The following RIPOR3 variants were observed in gnomAD, a reference collection of about 807,000 sequenced individuals.
RIPOR3 encodes RIPOR family member 3, also known as family with sequence similarity 65 member C.
RIPOR3 carries 95 observed loss-of-function variants against 114.3 expected under a neutral mutation model. The ratio of observed to expected loss-of-function variants is 0.83; its 90% confidence interval spans 0.70 to 0.99. The LOEUF (loss-of-function observed/expected upper bound fraction) is 0.99. Among genes scored for constraint, RIPOR3 ranks in the 50% least tolerant of loss-of-function variants. The pLI is 0.00. For missense variants in RIPOR3, 1,252 were observed against 1,266.9 expected, an observed-to-expected ratio of 0.99 and a Z score of 0.18; for synonymous variants, 575 against 543.8, an observed-to-expected ratio of 1.06 and a Z score of -0.80.
chr20:50,609,204 C>T (rs2083853595), intron 8 of RIPOR3, 89 bp downstream of exon 8: 6 of 1,506,576 alleles, frequency 4.0e-6, no homozygotes, highest in Non-Finnish European at 5.4e-6. Context: ...GGCTCAGACC[C>T]CTGGGATTCT....
intron 1 of RIPOR3, among the ~76,000 whole-genome samples, chr20:50,663,190 C>T (rs757694489): frequency 7.9e-5 from 12 of 151,796 alleles, no homozygotes; most frequent in Admixed American, 6.6e-4. Context: ...TATTCACTGA[C>T]GTGATTCTGC....
At chr20:50,595,073 C>T (rs2083241728) in intron 16 of RIPOR3, 5 of 492,384 alleles carry the variant, frequency 1.0e-5, no homozygotes, top group Admixed American at 9.8e-5. Context: ...CTGGGGTTAC[C>T]TCACTGAACC....
At chr20:50,608,362 G>T (rs745614825) in intron 11 of RIPOR3, 27 bp downstream of exon 11, 1 of 1,612,914 alleles carries the variant, frequency 6.2e-7, no homozygotes. Context: ...CCAGGCCTCC[G>T]CTCTCCCCAG....
chr20:50,638,474 G>A (rs1485539091), intron 1 of RIPOR3, among the ~76,000 whole-genome samples: 2 of 152,204 alleles, frequency 1.3e-5, no homozygotes, highest in African/African-American at 4.8e-5. Context: ...GAATTATCCA[G>A]AGGGCATTTT....
In RIPOR3 at chr20:50,609,124, C is replaced by T. The variant is rs575029576; in HGVS notation, c.640+169G>A. On this transcript the variant is annotated intron_variant, in intron 8 of 21. Coordinates refer to ENST00000327979, the MANE Select transcript of RIPOR3 (RefSeq NM_001290268.2). ...AAATGGACAGAGGGTGCTGGGCCCTCACACCAGGCTCAGAGAGGGGTGGGA... is the reference window on the plus strand; with the variant it reads ...AAATGGACAGAGGGTGCTGGGCCCTTACACCAGGCTCAGAGAGGGGTGGGA... Among the ~76,000 whole-genome samples, 5 of 152,284 alleles carry T rather than the reference C, an allele frequency of 3.3e-5. No homozygotes were observed. In the South Asian group the frequency reaches 1.0e-3, roughly 32 times the overall value.
intron 1 of RIPOR3, among the ~76,000 whole-genome samples, chr20:50,670,449 G>A (rs1382582235): frequency 3.0e-5 from 4 of 133,632 alleles, no homozygotes; most frequent in South Asian, 2.3e-4. Flanking sequence ...TTACCTAAAG[G>A]CCTAAAGTAC....
intron 1 of RIPOR3, among the ~76,000 whole-genome samples, chr20:50,644,842 TTA>T (rs1338193982): frequency 2.8e-5 from 3 of 106,522 alleles, no homozygotes; most frequent in African/African-American, 2.0e-4. Flanking sequence ...TTTTTATTTT[TTA>T]TTTTTTTTTT....
In RIPOR3 at chr20:50,596,158, G is replaced by C. The variant is rs769107803; in HGVS notation, c.1896C>G (p.Val632=). The change falls in exon 15 of 22, where the codon GTC becomes GTG. Residue 632 remains valine, a synonymous_variant. Transcript: ENST00000327979. ...LDVLLMVHLQ[V]CKALLQKLAS... ...CAGCCACCTGCAGCAGAGCTTTGCA[G>C]ACTTGGAGGTGTACCATCAGCAGCA... 1.2e-6 allele frequency: 2 copies of C among 1,614,210 alleles called. No homozygotes were observed. Among genetic ancestry groups the C allele is most frequent in the South Asian group, 1.1e-5 (1 of 91,088 alleles).
At chr20:50,595,797 T>C (rs1389986803) in intron 15 of RIPOR3, among the ~76,000 whole-genome samples, 1 of 152,224 alleles carries the variant, frequency 6.6e-6, no homozygotes, top group African/African-American at 2.4e-5. Context: ...TTTGAACCCG[T>C]GCATCCAGCC....
At chr20:50,619,183 T>C (rs1195409863) in intron 3 of RIPOR3, among the ~76,000 whole-genome samples, 1 of 151,874 alleles carries the variant, frequency 6.6e-6, no homozygotes, top group Non-Finnish European at 1.5e-5. Flanking sequence ...GTGCAGTGGC[T>C]CACGCTTGAA....
Position 50,681,651 on chromosome 20 carries a change from A to C in RIPOR3, c.3+9475T>G, listed in dbSNP as rs79494458. Among the ~76,000 whole-genome samples the C allele has an allele frequency of 7.0e-3, 1,061 of 152,322 alleles. 21 individuals are homozygous for C. The highest frequency in any genetic ancestry group is 0.057 in the East Asian group (297 of 5,190). On this transcript the variant is annotated intron_variant, in intron 1 of 21. Transcript: ENST00000327979. The stretch of plus-strand genomic sequence containing the variant: ...AAATAATTAACAGCAATATCTGTAA[A>C]GTGCATGCAACAGTGCCTGTCACGG...
At position 50,635,498 on chromosome 20, in the gene RIPOR3, A is replaced by C. The variant is rs1236480871; in HGVS notation, c.4-4642T>G. ...GTGAGACCCGGTCCCCACAAAAAAT[A>C]CAAAAATTACCCAGATGTGGTGGCG... On this transcript the variant is annotated intron_variant, in intron 1 of 21. Transcript: ENST00000327979. Among the ~76,000 whole-genome samples the C allele has an allele frequency of 2.0e-5, 3 of 152,146 alleles. No individual in the cohort carries two copies. The East Asian group carries it at 5.8e-4, about 29-fold the overall frequency.
At chr20:50,635,380 G>A (rs1466726383) in intron 1 of RIPOR3, among the ~76,000 whole-genome samples, 2 of 152,140 alleles carry the variant, frequency 1.3e-5, no homozygotes, top group East Asian at 3.9e-4. Context: ...CATGCCAGGC[G>A]TGGCGACTCA....
rs1010534320 is a variant in RIPOR3, at chr20:50,605,083, G to A, written c.957-309C>T. 2.6e-5 allele frequency among the ~76,000 whole-genome samples: 4 copies of A among 152,090 alleles called. No individual in the cohort carries two copies. In the South Asian group the frequency reaches 8.3e-4, roughly 32 times the overall value. On this transcript the variant is annotated intron_variant, in intron 11 of 21. Coordinates refer to ENST00000327979, the MANE Select transcript of RIPOR3 (RefSeq NM_001290268.2). ...GACCACAGGCATGTACCACCATGCT[G>A]GACTAATTTTTAAATTTATTTTTAT...
intron 2 of RIPOR3, among the ~76,000 whole-genome samples, chr20:50,625,832 C>G (rs532287724): frequency 8.5e-5 from 13 of 152,348 alleles, no homozygotes; most frequent in African/African-American, 3.1e-4. Context: ...CTCCCACCCC[C>G]CAGGTCCAGC....
At chr20:50,642,745 TAAA>T (rs796386304) in intron 1 of RIPOR3, among the ~76,000 whole-genome samples, 1 of 146,882 alleles carries the variant, frequency 6.8e-6, no homozygotes, top group Non-Finnish European at 1.5e-5. Context: ...CACAGTGATT[TAAA>T]AAAAAAAAAT....
chr20:50,591,583 C>T (rs1468292007), intron 19 of RIPOR3, among the ~76,000 whole-genome samples: 2 of 152,200 alleles, frequency 1.3e-5, no homozygotes, highest in South Asian at 4.1e-4. Context: ...CTGGAGATTT[C>T]CTCTCTAGTC....
At chr20:50,638,963 C>T (rs764751480) in intron 1 of RIPOR3, among the ~76,000 whole-genome samples, 4 of 152,086 alleles carry the variant, frequency 2.6e-5, no homozygotes, top group African/African-American at 7.2e-5. Context: ...AGAAACAGGC[C>T]GGGCGCAGTG....
Position 50,587,222 on chromosome 20 carries a change from C to G in RIPOR3, c.*10G>C. 1.2e-6 allele frequency: 2 copies of G among 1,609,976 alleles called. No individual in the cohort carries two copies. The highest frequency in any genetic ancestry group is 1.7e-6 in the Non-Finnish European group (2 of 1,176,238). On this transcript the variant is annotated 3_prime_UTR_variant, in exon 22 of 22. Coordinates refer to ENST00000327979, the MANE Select transcript of RIPOR3 (RefSeq NM_001290268.2). ...ACGATGTGAGATTTGTGCTCATCAG[C>G]CAGGATTTTTTAAAATATTGTGATT...
Sources: allele counts gnomAD v4.1 joint callset (sites outside exome capture counted in the v4.1 genomes callset), GRCh38; gene constraint gnomAD v4.1.1; transcripts MANE v1.5; gene names NCBI Gene and HGNC (gene_info 2026-07-23, HGNC 2026-07-21).